MAGI2: variants seen among roughly 807,000 people sequenced by gnomAD.
MAGI2 encodes membrane-associated guanylate kinase, WW and PDZ domain-containing protein 2.
In MAGI2, 35 loss-of-function variants were observed where a neutral mutation model predicts 133.3. The observed-to-expected ratio is 0.26, with a 90% CI of 0.20 to 0.35. The LOEUF is 0.35. MAGI2 is among the 10% of genes least tolerant of loss of function. MAGI2 has a pLI of 1.00. For synonymous variants in MAGI2, 729 were observed against 710.6 expected, an observed-to-expected ratio of 1.03 and a Z score of -0.41; for missense variants, 1,636 against 1,863.4, an observed-to-expected ratio of 0.88 and a Z score of 2.25.
At chr7:78,122,063 A>C (rs1334685842) in intron 20 of MAGI2, among the ~76,000 whole-genome samples, 1 of 152,194 alleles carries the variant, frequency 6.6e-6, no homozygotes, top group Non-Finnish European at 1.5e-5. Context: ...TAGTTGAGAG[A>C]TACACACATC....
rs551029996 is a variant in MAGI2 at position 78,472,858 on chromosome 7, T to C, written c.1045+16903A>G. On this transcript the variant is annotated intron_variant, in intron 6 of 21. Coordinates refer to ENST00000354212, the MANE Select transcript of MAGI2 (RefSeq NM_012301.4). ...TTCTAGGAGAGGAAGCTGGTGAGCA[T>C]TATAAATTCTAGGGACTCCTGATGG... 1.3e-5 allele frequency among the ~76,000 whole-genome samples: 2 copies of C among 152,196 alleles called. 1 individual carries two copies. The highest frequency in any genetic ancestry group is 1.3e-4 in the Admixed American group (2 of 15,262).
At chr7:79,096,860 G>T (rs1817563286) in intron 1 of MAGI2, among the ~76,000 whole-genome samples, 1 of 152,114 alleles carries the variant, frequency 6.6e-6, no homozygotes, top group Non-Finnish European at 1.5e-5. Context: ...AGAAACTCCA[G>T]ATGATCCCAA....
At chr7:78,502,553 T>C (rs1436614353) in intron 4 of MAGI2, among the ~76,000 whole-genome samples, 1 of 146,812 alleles carries the variant, frequency 6.8e-6, no homozygotes, top group Non-Finnish European at 1.5e-5. Context: ...TTCACATAAC[T>C]TTCATAATAG....
chr7:78,918,276 T>G (rs1417206061), intron 2 of MAGI2, among the ~76,000 whole-genome samples: 1 of 152,142 alleles, frequency 6.6e-6, no homozygotes, highest in Non-Finnish European at 1.5e-5. Flanking sequence ...TCCTTACTTG[T>G]TTAGTGTATT....
At chr7:78,901,573 T>C (rs1025036225) in intron 2 of MAGI2, 1 of 152,172 alleles carries the variant, frequency 6.6e-6, no homozygotes, top group African/African-American at 2.4e-5. Context: ...ACTTTGGTTA[T>C]TTTGGTGTTC....
intron 1 of MAGI2, among the ~76,000 whole-genome samples, chr7:79,282,484 A>G (rs970354041): frequency 6.6e-6 from 1 of 152,208 alleles, no homozygotes; most frequent in African/African-American, 2.4e-5. Flanking sequence ...GAAAAAAGTT[A>G]GAGAGTTAAT....
intron 1 of MAGI2, among the ~76,000 whole-genome samples, chr7:79,011,924 C>CCTTCCTTCCTTCCTTCCTTT (rs1413880167): frequency 9.7e-4 from 118 of 121,270 alleles, no homozygotes; most frequent in African/African-American, 3.6e-3. Flanking sequence ...TTCCTTCCTT[C>CCTTCCTTCCTTCCTTCCTTT]CTTTCTTTCT....
chr7:78,829,058 G>T lies in MAGI2; in HGVS notation c.418+178032C>A, dbSNP rs955745292. Among the ~76,000 whole-genome samples, 39 of 151,924 alleles carry T rather than the reference G, an allele frequency of 2.6e-4. 2 individuals carry two copies. The highest frequency in any genetic ancestry group is 9.7e-5 in the African/African-American group (4 of 41,376). ...CTTTAAATTTATTAATCTCAACAAAGCTTCCTTCATATTTTTGTGTATTTT... is the reference window on the plus strand; with the variant it reads ...CTTTAAATTTATTAATCTCAACAAATCTTCCTTCATATTTTTGTGTATTTT... On this transcript the variant is annotated intron_variant, in intron 2 of 21. Coordinates refer to ENST00000354212, the MANE Select transcript of MAGI2 (RefSeq NM_012301.4).
intron 2 of MAGI2, among the ~76,000 whole-genome samples, chr7:78,735,169 AT>A (rs1215461353): frequency 1.3e-5 from 2 of 152,260 alleles, no homozygotes; most frequent in Non-Finnish European, 2.9e-5. Context: ...TAGTTCTGCC[AT>A]TTTTTTACTG....
intron 1 of MAGI2, among the ~76,000 whole-genome samples, chr7:79,013,488 A>G (rs2116608422): frequency 6.6e-6 from 1 of 152,318 alleles, no homozygotes; most frequent in South Asian, 2.1e-4. Flanking sequence ...AAGTTGAGGA[A>G]TAGACAGGAA....
At chr7:78,220,214 C>T (rs745487072) in intron 10 of MAGI2, among the ~76,000 whole-genome samples, 2 of 152,192 alleles carry the variant, frequency 1.3e-5, no homozygotes, top group Non-Finnish European at 2.9e-5. Context: ...CTACCTAGAA[C>T]TCCTACCCCA....
At chr7:78,796,569 C>T (rs185750924) in intron 2 of MAGI2, among the ~76,000 whole-genome samples, 17 of 152,166 alleles carry the variant, frequency 1.1e-4, no homozygotes, top group East Asian at 9.7e-4. Context: ...TTATCGAAAA[C>T]GGTATGGAGG....
At chr7:78,521,336 T>C (rs1796484058) in intron 4 of MAGI2, 94 bp downstream of exon 4, 5 of 783,342 alleles carry the variant, frequency 6.4e-6, no homozygotes, top group Non-Finnish European at 1.1e-5. Context: ...TTACTATGTA[T>C]CTGTATATAT....
At chr7:79,341,275 G>C (rs1227622616) in intron 1 of MAGI2, among the ~76,000 whole-genome samples, 1 of 152,126 alleles carries the variant, frequency 6.6e-6, no homozygotes, top group Non-Finnish European at 1.5e-5. Flanking sequence ...CTGAGCATAA[G>C]ATCATGAACA....
At chr7:78,544,820 G>C (rs1055507456) in intron 3 of MAGI2, among the ~76,000 whole-genome samples, 3 of 151,804 alleles carry the variant, frequency 2.0e-5, no homozygotes, top group African/African-American at 7.3e-5. Flanking sequence ...GGCAATAAGA[G>C]TGAAACTCCA....
chr7:79,022,599 C>T (rs945488578), intron 1 of MAGI2, among the ~76,000 whole-genome samples: 2 of 125,552 alleles, frequency 1.6e-5, no homozygotes, highest in Admixed American at 8.8e-5. Flanking sequence ...ATTAATAAGA[C>T]AAATACACTG....
chr7:78,323,431 A>G (rs868772791), intron 9 of MAGI2, among the ~76,000 whole-genome samples: 1 of 152,166 alleles, frequency 6.6e-6, no homozygotes, highest in African/African-American at 2.4e-5. Context: ...CCCTCTTTGG[A>G]TCACTTCTTA....
chr7:78,232,678 A>C (rs1345097862), intron 10 of MAGI2, among the ~76,000 whole-genome samples: 1 of 152,204 alleles, frequency 6.6e-6, no homozygotes, highest in African/African-American at 2.4e-5. Flanking sequence ...CTTAACAACA[A>C]ACCTGGACCT....
chr7:79,041,797 T>C (rs1205805600), intron 1 of MAGI2, among the ~76,000 whole-genome samples: 1 of 152,160 alleles, frequency 6.6e-6, no homozygotes, highest in Admixed American at 6.5e-5. Flanking sequence ...TAATTAAATA[T>C]GTGTATATAT....
Sources: gnomAD v4.1 joint callset for allele counts (sites outside exome capture counted in the v4.1 genomes callset) on GRCh38, gnomAD v4.1.1 for gene constraint, MANE v1.5 for transcripts, NCBI Gene and HGNC (gene_info 2026-07-23, HGNC 2026-07-21) for gene names.